MYO1B: variants seen among roughly 807,000 people sequenced by gnomAD.
MYO1B encodes myosin IB, also known as unconventional myosin-Ib.
MYO1B carries 72 observed loss-of-function variants against 159.7 expected under a neutral mutation model. The observed-to-expected ratio is 0.45, with a 90% CI of 0.37 to 0.55. MYO1B has a LOEUF of 0.55. Ranked by LOEUF, MYO1B falls within the 20% of genes least tolerant of loss-of-function variation. The probability of loss-of-function intolerance (pLI) is 0.00; values close to 1 mark genes in which losing one functional copy is unlikely to be tolerated. For missense variants in MYO1B, 1,062 were observed against 1,364.8 expected (o/e 0.78, Z 3.50); for synonymous variants, 468 against 473.8 (o/e 0.99, Z 0.16).
chr2:191,339,800 C>T (rs1014575246), intron 4 of MYO1B, among the ~76,000 whole-genome samples: 1 of 152,180 alleles, frequency 6.6e-6, no homozygotes, highest in Non-Finnish European at 1.5e-5. Flanking sequence ...GATTCTTGGT[C>T]TTCAGTGGCT....
rs1372701698 is a variant in MYO1B, at chr2:191,346,279, A to G, written c.495A>G (p.Arg165=). 1 of 1,563,460 alleles carries G rather than the reference A, an allele frequency of 6.4e-7. No individual in the cohort carries two copies. The highest frequency in any genetic ancestry group is 8.7e-7 in the Non-Finnish European group (1 of 1,152,960). Residue 165 remains arginine, a synonymous_variant, in exon 6 of 31, where the codon AGA becomes AGG. Transcript: ENST00000392318. ...CTGTAAGGAATGACAACTCCTCTAG[A>G]TTTGTAAGTATTTGTATAAGCATAA... ...AKTVRNDNSS[R]FGKYMDIEFD... is the part of the protein sequence containing the mutation.
Position 191,383,319 on chromosome 2 carries a change from A to C in MYO1B, c.1330A>C (p.Ile444Leu), listed in dbSNP as rs780704668. 1 of 1,585,996 alleles carries C rather than the reference A, an allele frequency of 6.3e-7. No individual in the cohort carries two copies. The highest frequency in any genetic ancestry group is 1.8e-5 in the Admixed American group (1 of 55,494). Residue 444 changes from isoleucine (I) to leucine (L), a missense_variant, in exon 15 of 31, where the codon ATC becomes CTC. By Grantham distance (5) the Ile-to-Leu change is conservative. Coordinates refer to ENST00000392318, the MANE Select transcript of MYO1B (RefSeq NM_001130158.3). ...TCACATTGACTACTTCAATAATGCT[A>C]TCATTTGTGACCTAATAGAAAATGT... Reference protein sequence around the residue: ...WTHIDYFNNAIICDLIENNTN... With the variant: ...WTHIDYFNNALICDLIENNTN...
Position 191,381,326 on chromosome 2 carries a change from G to C in MYO1B, c.1186-136G>C, listed in dbSNP as rs1164619818. ...TGCAATGGGCAAGCGTCTGTCCTAG[G>C]AGCCGTGTGCTGGGCCACAGTTAAA... On this transcript the variant is annotated intron_variant, in intron 13 of 30. Coordinates refer to ENST00000392318, the MANE Select transcript of MYO1B (RefSeq NM_001130158.3). 4.1e-6 allele frequency: 3 copies of C among 730,786 alleles called. No individual in the cohort carries two copies. The African/African-American group carries it at 5.2e-5, about 13-fold the overall frequency. 45.3% of individuals were successfully genotyped at this position (730,786 alleles called of 1,614,324 possible).
At chr2:191,420,479 TCTTA>T (rs1175328878) in intron 30 of MYO1B, among the ~76,000 whole-genome samples, 1 of 152,194 alleles carries the variant, frequency 6.6e-6, no homozygotes, top group Non-Finnish European at 1.5e-5. Flanking sequence ...CCTTTTCTAT[TCTTA>T]CTAAGTTTAC....
At chr2:191,330,914 G>C (rs1335202083) in intron 4 of MYO1B, among the ~76,000 whole-genome samples, 1 of 152,166 alleles carries the variant, frequency 6.6e-6, no homozygotes, top group South Asian at 2.1e-4. Flanking sequence ...TACACATTTT[G>C]AGTTCCCATT....
chr2:191,414,139 A>C lies in MYO1B; in HGVS notation c.2965A>C (p.Ile989Leu). The C allele has an allele frequency of 6.2e-7, 1 of 1,613,586 alleles. No homozygotes were observed. The highest frequency in any genetic ancestry group is 8.5e-7 in the Non-Finnish European group (1 of 1,179,740). ...AGATGCCATTGAAGAAAAGATCATC[A>C]TTGCTGAAGTCGTGAACAAAATTAA... ...LKDAIEEKII[I>L]AEVVNKINRA... The change falls in exon 28 of 31, where the codon ATT becomes CTT. Residue 989 changes from isoleucine to leucine, a missense_variant. Coordinates refer to ENST00000392318, the MANE Select transcript of MYO1B (RefSeq NM_001130158.3).
intron 3 of MYO1B, among the ~76,000 whole-genome samples, chr2:191,313,224 T>TTTTTTTTTA (rs1690126545): frequency 1.2e-5 from 1 of 80,986 alleles, no homozygotes; most frequent in Non-Finnish European, 2.6e-5. Context: ...TTTTTTTTTT[T>TTTTTTTTTA]TTTGAGACGG....
At chr2:191,398,446 A>T (rs1574608269) in intron 21 of MYO1B, among the ~76,000 whole-genome samples, 1 of 126,408 alleles carries the variant, frequency 7.9e-6, no homozygotes, top group South Asian at 3.0e-4. Context: ...TCCCTCCCGG[A>T]CGGAGACGCT....
chr2:191,420,029 C>T (rs1400837493), intron 30 of MYO1B, among the ~76,000 whole-genome samples: 1 of 151,940 alleles, frequency 6.6e-6, no homozygotes, highest in African/African-American at 2.4e-5. Flanking sequence ...GACGAAACCC[C>T]TTCTCAACAA....
At chr2:191,330,286 G>T (rs138695275) in intron 4 of MYO1B, among the ~76,000 whole-genome samples, 115 of 152,222 alleles carry the variant, frequency 7.6e-4, no homozygotes, top group African/African-American at 2.7e-3. Flanking sequence ...TCTGGATGGT[G>T]CAAGATCTTT....
chr2:191,421,838 A>T (rs1697960883), intron 30 of MYO1B, among the ~76,000 whole-genome samples: 1 of 152,250 alleles, frequency 6.6e-6, no homozygotes, highest in Admixed American at 6.5e-5. Context: ...TGAATTTTCA[A>T]TAAACCTGAA....
intron 1 of MYO1B, among the ~76,000 whole-genome samples, chr2:191,260,593 C>A (rs1437215426): frequency 1.3e-5 from 2 of 152,032 alleles, no homozygotes; most frequent in Non-Finnish European, 2.9e-5. Flanking sequence ...TAGCTACTTA[C>A]AATAGAAGCA....
At position 191,338,192 on chromosome 2, in the gene MYO1B, T is replaced by TC. The variant is rs923767578; in HGVS notation, c.347-3269_347-3268insC. The stretch of plus-strand genomic sequence containing the variant: ...CTTTTAAATAGTGTGATTTTTTTTT[T>TC]TGGAGAAAATACTAATACCAGCTTC... On this transcript the variant is annotated intron_variant, in intron 4 of 30. Transcript: ENST00000392318. Among the ~76,000 whole-genome samples, 291 of 151,654 alleles carry TC rather than the reference T, an allele frequency of 1.9e-3. 1 individual carries two copies. The highest frequency in any genetic ancestry group is 2.5e-3 in the East Asian group (13 of 5,160).
intron 2 of MYO1B, among the ~76,000 whole-genome samples, chr2:191,277,626 A>G (rs943266165): frequency 6.6e-6 from 1 of 152,238 alleles, no homozygotes; most frequent in African/African-American, 2.4e-5. Context: ...AAAGGATTTC[A>G]CAGGGTCAAG....
chr2:191,413,768 TTA>T (rs1023432897), intron 27 of MYO1B, among the ~76,000 whole-genome samples: 1 of 152,186 alleles, frequency 6.6e-6, no homozygotes, highest in Non-Finnish European at 1.5e-5. Context: ...GCTGTTGTTC[TTA>T]TGAGTGATTT....
intron 24 of MYO1B, chr2:191,407,853 G>C (rs1014633118): frequency 1.5e-5 from 4 of 269,540 alleles, no homozygotes; most frequent in Admixed American, 1.0e-4. Context: ...AATGTTTCTT[G>C]TCAAATCATC....
At position 191,423,885 on chromosome 2, in the gene MYO1B, G is replaced by A. The variant is rs115550607; in HGVS notation, c.3336G>A (p.Gln1112=). 6 of 1,613,956 alleles carry A rather than the reference G, an allele frequency of 3.7e-6. No homozygotes were observed. In the African/African-American group the frequency reaches 6.7e-5, roughly 18 times the overall value. The stretch of plus-strand genomic sequence containing the variant: ...ACAAAGTATGTGTGAAGTTTATTCA[G>A]GGAAACCAGAAAAATGGGAGTGTCC... ...RQDKVCVKFI[Q]GNQKNGSVPT... The change falls in exon 31 of 31, where the codon CAG becomes CAA. Residue 1112 remains glutamine (Q), a synonymous_variant. Transcript: ENST00000392318.
At chr2:191,246,516 C>T (rs1685803277) in intron 1 of MYO1B, 1 of 151,558 alleles carries the variant, frequency 6.6e-6, no homozygotes, top group Non-Finnish European at 1.5e-5. Context: ...TGTTAGATTG[C>T]TCAAAGCAAA....
intron 3 of MYO1B, among the ~76,000 whole-genome samples, chr2:191,314,449 A>G (rs1415626997): frequency 6.6e-6 from 1 of 152,208 alleles, no homozygotes; most frequent in East Asian, 1.9e-4. Flanking sequence ...CTTTGTTCCA[A>G]TTCTCATATT....
Sources: allele counts gnomAD v4.1 joint callset (sites outside exome capture counted in the v4.1 genomes callset), GRCh38; gene constraint gnomAD v4.1.1; transcripts MANE v1.5; gene names NCBI Gene and HGNC (gene_info 2026-07-23, HGNC 2026-07-21).